Variants in PCDHA12 observed in about 807,000 individuals in gnomAD.
PCDHA12 encodes protocadherin alpha 12.
In PCDHA12, 44 loss-of-function variants were observed where a neutral mutation model predicts 60.0. The ratio of observed to expected loss-of-function variants is 0.73; its 90% CI spans 0.58 to 0.94. The LOEUF is 0.94. Ranked by LOEUF, PCDHA12 falls within the 40% of genes least tolerant of loss-of-function variation. The probability of loss-of-function intolerance (pLI) is 0.00; values close to 1 mark genes in which losing one functional copy is unlikely to be tolerated. For synonymous variants in PCDHA12, 569 were observed against 553.0 expected, an observed-to-expected ratio of 1.03 and a Z score of -0.40; for missense variants, 1,276 against 1,239.7, an observed-to-expected ratio of 1.03 and a Z score of -0.44.
chr5:140,993,631 G>A (rs1466996708), intron 3 of PCDHA12, among the ~76,000 whole-genome samples: 2 of 152,162 alleles, frequency 1.3e-5, no homozygotes, highest in African/African-American at 2.4e-5. Context: ...ATATATAGTC[G>A]TGTACCAAAT....
chr5:140,927,980 G>A, intron 1 of PCDHA12: 2 of 1,614,220 alleles, frequency 1.2e-6, no homozygotes, highest in Non-Finnish European at 1.7e-6. Flanking sequence ...GCTCTCTTTA[G>A]TGTAAAGGAT....
rs1478776734 is a variant in PCDHA12 at position 141,010,917 on chromosome 5, A to G, written c.*980A>G. ...TACAATTCCCCTAAACTCTCCTCAA[A>G]AGAGAATTCAGTCTACAGCCATTTA... On this transcript the variant is annotated 3_prime_UTR_variant, in exon 4 of 4. Coordinates refer to ENST00000398631, the MANE Select transcript of PCDHA12 (RefSeq NM_018903.4). The G allele has an allele frequency of 6.5e-6, 1 of 153,776 alleles. No homozygotes were observed. The highest frequency in any genetic ancestry group is 1.5e-5 in the Non-Finnish European group (1 of 68,048). The allele number at this position is 153,776 out of a possible 1,614,324, so 9.5% of individuals were successfully genotyped here.
intron 1 of PCDHA12, among the ~76,000 whole-genome samples, chr5:140,901,078 T>TAAA (rs1554189579): frequency 6.6e-6 from 1 of 152,120 alleles, no homozygotes; most frequent in East Asian, 1.9e-4. Flanking sequence ...TTCTATAGAG[T>TAAA]TGTTTGAGCT....
At position 140,969,169 on chromosome 5, in the gene PCDHA12, A is replaced by G. The variant is rs201735192; in HGVS notation, c.2368-9780A>G. 2.0e-5 allele frequency: 33 copies of G among 1,614,094 alleles called. No homozygotes were observed. In the Admixed American group the frequency reaches 5.5e-4, roughly 27 times the overall value. On this transcript the variant is annotated intron_variant, in intron 1 of 3. Transcript: ENST00000398631. The stretch of plus-strand genomic sequence containing the variant: ...ACAAGGCCTGTCTGACAGCAGGCTC[A>G]GGGAGTGACACTTTCATGTTTTACA...
intron 1 of PCDHA12, among the ~76,000 whole-genome samples, chr5:140,907,643 A>C (rs2073513749): frequency 6.6e-6 from 1 of 152,208 alleles, no homozygotes; most frequent in African/African-American, 2.4e-5. Flanking sequence ...GCTGCTGGCA[A>C]ATTGGGCACT....
intron 1 of PCDHA12, among the ~76,000 whole-genome samples, chr5:140,913,986 G>A (rs1326699020): frequency 1.3e-5 from 2 of 152,048 alleles, no homozygotes; most frequent in African/African-American, 4.8e-5. Context: ...GACTTGTATT[G>A]TGACTAGCAT....
intron 1 of PCDHA12, among the ~76,000 whole-genome samples, chr5:140,898,431 A>G (rs1482364069): frequency 6.6e-6 from 1 of 152,182 alleles, no homozygotes; most frequent in East Asian, 1.9e-4. Context: ...TCCCAGCACC[A>G]TTTATTAAAT....
chr5:140,942,680 A>C (rs2093354394), intron 1 of PCDHA12, among the ~76,000 whole-genome samples: 1 of 152,218 alleles, frequency 6.6e-6, no homozygotes, highest in African/African-American at 2.4e-5. Context: ...AAGTTTTAGG[A>C]ATAACTTTAA....
chr5:140,939,195 C>T (rs1554212604), intron 1 of PCDHA12, among the ~76,000 whole-genome samples: 1 of 152,122 alleles, frequency 6.6e-6, no homozygotes, highest in East Asian at 1.9e-4. Flanking sequence ...GTTCATAAAA[C>T]AGAATGTCAC....
At chr5:140,964,473 T>G (rs1457345251) in intron 1 of PCDHA12, among the ~76,000 whole-genome samples, 13 of 152,068 alleles carry the variant, frequency 8.5e-5, no homozygotes, top group African/African-American at 3.1e-4. Flanking sequence ...TGCCTATGAT[T>G]TTTTCACAGT....
chr5:141,002,271 T>C (rs942626808), intron 3 of PCDHA12, among the ~76,000 whole-genome samples: 3 of 152,220 alleles, frequency 2.0e-5, no homozygotes, highest in African/African-American at 7.2e-5. Context: ...CCAGAGCTGG[T>C]AACAAAGGGA....
rs189949937 is a variant in PCDHA12 at position 140,920,653 on chromosome 5, T to C, written c.2367+42814T>C. On this transcript the variant is annotated intron_variant, in intron 1 of 3. Coordinates refer to ENST00000398631, the MANE Select transcript of PCDHA12 (RefSeq NM_018903.4). ...AAGGTCAAGAGATTGAGACCATCCT[T>C]GCCAACATGGTGAAACCCCATCTCT... is the stretch of plus-strand genomic sequence containing the variant. Among the ~76,000 whole-genome samples, 1,219 of 152,042 alleles carry C rather than the reference T, an allele frequency of 8.0e-3. 5 individuals carry two copies. Among genetic ancestry groups the C allele is most frequent in the African/African-American group, 0.019 (786 of 41,502 alleles).
At chr5:140,944,166 G>A (rs1483002893) in intron 1 of PCDHA12, among the ~76,000 whole-genome samples, 1 of 152,024 alleles carries the variant, frequency 6.6e-6, no homozygotes, top group Non-Finnish European at 1.5e-5. Context: ...AAAGGGCCAA[G>A]GCTGGTTTTT....
chr5:140,885,041 T>C (rs2060440056), intron 1 of PCDHA12, among the ~76,000 whole-genome samples: 1 of 152,250 alleles, frequency 6.6e-6, no homozygotes, highest in Non-Finnish European at 1.5e-5. Flanking sequence ...ATTTTTAGTT[T>C]AATGTATACA....
At chr5:140,905,383 A>G (rs576453128) in intron 1 of PCDHA12, among the ~76,000 whole-genome samples, 8 of 152,324 alleles carry the variant, frequency 5.3e-5, no homozygotes, top group African/African-American at 1.7e-4. Flanking sequence ...GTTCTGTTTC[A>G]TAGGTCTGTG....
intron 1 of PCDHA12, among the ~76,000 whole-genome samples, chr5:140,890,853 C>T (rs1202284942): frequency 1.3e-5 from 2 of 152,058 alleles, no homozygotes; most frequent in Non-Finnish European, 2.9e-5. Flanking sequence ...GTTTCTCTTC[C>T]TTACTTCTTG....
At chr5:140,895,835 A>G (rs782780692) in intron 1 of PCDHA12, among the ~76,000 whole-genome samples, 3 of 152,096 alleles carry the variant, frequency 2.0e-5, no homozygotes, top group Non-Finnish European at 4.4e-5. Context: ...TTTTCAGACA[A>G]AGTCTCACTC....
In PCDHA12 at chr5:141,010,480, A is replaced by C; in HGVS notation, c.*543A>C. The C allele has an allele frequency of 1.4e-6, 1 of 696,098 alleles. No individual in the cohort carries two copies. Among genetic ancestry groups the C allele is most frequent in the Non-Finnish European group, 2.2e-6 (1 of 452,208 alleles). 43.1% of individuals were successfully genotyped at this position (696,098 alleles called of 1,614,324 possible). A position where few individuals can be genotyped will look rare whatever the true frequency, so the allele number is the denominator to read the frequency against. On this transcript the variant is annotated 3_prime_UTR_variant, in exon 4 of 4. Transcript: ENST00000398631. ...TTATCAGTATGGAGGGGAAGTGTAA[A>C]CTTAAAGGGACCAGACTTTCTAAAT...
At chr5:140,967,057 A>T (rs1554229122) in intron 1 of PCDHA12, 1 of 1,612,704 alleles carries the variant, frequency 6.2e-7, no homozygotes, top group South Asian at 1.1e-5. Context: ...TGACGAGTGG[A>T]GCGCTCTTCG....
Sources: gnomAD v4.1 joint callset for allele counts (sites outside exome capture counted in the v4.1 genomes callset) on GRCh38, gnomAD v4.1.1 for gene constraint, MANE v1.5 for transcripts, NCBI Gene and HGNC (gene_info 2026-07-23, HGNC 2026-07-21) for gene names.